Variants in DOCK8 observed in about 807,000 individuals in gnomAD.
The protein encoded by DOCK8 is dedicator of cytokinesis protein 8.
In DOCK8, 141 loss-of-function variants were observed where a neutral mutation model predicts 245.6. The observed-to-expected ratio is 0.57, with a 90% confidence interval of 0.50 to 0.66. The LOEUF (loss-of-function observed/expected upper bound fraction) is 0.66. Among genes scored for constraint, DOCK8 ranks in the 30% least tolerant of loss-of-function variants. DOCK8 has a pLI of 0.00. For synonymous variants in DOCK8, 1,168 were observed against 970.2 expected (o/e 1.20, Z -3.79); for missense variants, 2,965 against 2,603.4 (o/e 1.14, Z -3.02).
intron 2 of DOCK8, among the ~76,000 whole-genome samples, chr9:275,362 G>C (rs4418448): frequency 1.3e-5 from 2 of 152,128 alleles, no homozygotes; most frequent in Admixed American, 1.3e-4. Flanking sequence ...GTTTAGAAGA[G>C]AAAAGGATAC....
chr9:457,570 T>C (rs2057678581), intron 46 of DOCK8, among the ~76,000 whole-genome samples: 1 of 152,224 alleles, frequency 6.6e-6, no homozygotes, highest in African/African-American at 2.4e-5. Flanking sequence ...GACACAGTGA[T>C]GCTGATGAGA....
At chr9:368,332 T>C in intron 15 of DOCK8, 197 bp downstream of exon 15, 1 of 729,596 alleles carries the variant, frequency 1.4e-6, no homozygotes, top group South Asian at 1.4e-5. Context: ...CTTTCTCGGC[T>C]TATTCTGTAG....
chr9:432,575 C>T (rs2056757549), intron 37 of DOCK8, among the ~76,000 whole-genome samples: 1 of 152,052 alleles, frequency 6.6e-6, no homozygotes, highest in African/African-American at 2.4e-5. Flanking sequence ...GGAGGCAGTA[C>T]AAGACAAGTG....
At chr9:459,429 T>G (rs1283814840) in intron 46 of DOCK8, among the ~76,000 whole-genome samples, 1 of 152,224 alleles carries the variant, frequency 6.6e-6, no homozygotes, top group Non-Finnish European at 1.5e-5. Context: ...ATGTTTTTCT[T>G]TATAAAACAT....
intron 4 of DOCK8, among the ~76,000 whole-genome samples, chr9:303,603 G>C (rs999605361): frequency 6.6e-6 from 1 of 152,168 alleles, no homozygotes; most frequent in Non-Finnish European, 1.5e-5. Context: ...GTAAACATGG[G>C]CATAAAGATA....
chr9:310,799 T>A (rs551136068), intron 5 of DOCK8, among the ~76,000 whole-genome samples: 2 of 152,332 alleles, frequency 1.3e-5, no homozygotes, highest in South Asian at 2.1e-4. Flanking sequence ...GCACTTTAAA[T>A]TATTATCAGA....
At chr9:317,882 G>A (rs184233991) in intron 7 of DOCK8, among the ~76,000 whole-genome samples, 83 of 151,622 alleles carry the variant, frequency 5.5e-4, no homozygotes, top group African/African-American at 1.9e-3. Context: ...ATTAAAACAC[G>A]ACTACAGTCT....
chr9:226,613 G>C (rs1038425462), intron 1 of DOCK8, among the ~76,000 whole-genome samples: 1 of 151,970 alleles, frequency 6.6e-6, no homozygotes, highest in Non-Finnish European at 1.5e-5. Context: ...ATGGGGTGGG[G>C]CAATGAAAAA....
chr9:345,798 ATG>A (rs1001213864), intron 14 of DOCK8, among the ~76,000 whole-genome samples: 41 of 152,082 alleles, frequency 2.7e-4, no homozygotes, highest in African/African-American at 7.0e-4. Context: ...AATTGCGGTA[ATG>A]TGTGTGTGCT....
intron 2 of DOCK8, among the ~76,000 whole-genome samples, chr9:281,867 T>C (rs1012812321): frequency 6.6e-6 from 1 of 152,190 alleles, no homozygotes; most frequent in Non-Finnish European, 1.5e-5. Context: ...ACCAGTTTCC[T>C]CCCACTTTAG....
intron 34 of DOCK8, 152 bp downstream of exon 34, chr9:427,133 G>A: frequency 1.4e-6 from 1 of 694,292 alleles, no homozygotes; most frequent in Non-Finnish European, 2.5e-6. Context: ...ATTTACAACA[G>A]TGTCTACCTT....
At chr9:325,776 T>C (rs915099597) in intron 8 of DOCK8, 39 bp downstream of exon 8, 14 of 1,533,258 alleles carry the variant, frequency 9.1e-6, no homozygotes, top group South Asian at 9.0e-5. Context: ...AAGGCACATA[T>C]ATTGTTCATG....
chr9:231,259 G>C (rs202228193), intron 1 of DOCK8, among the ~76,000 whole-genome samples: 2 of 151,966 alleles, frequency 1.3e-5, no homozygotes, highest in African/African-American at 4.8e-5. Context: ...CCATTGGTCT[G>C]TATCTCTGTT....
chr9:362,273 C>T (rs1445746417), intron 14 of DOCK8, among the ~76,000 whole-genome samples: 1 of 152,186 alleles, frequency 6.6e-6, no homozygotes, highest in Non-Finnish European at 1.5e-5. Context: ...TGCACCTCCA[C>T]TCTTCTTAAC....
intron 13 of DOCK8, 111 bp downstream of exon 13, chr9:339,210 T>A: frequency 1.1e-6 from 1 of 932,374 alleles, no homozygotes; most frequent in Non-Finnish European, 1.7e-6. Flanking sequence ...AAGTGAAATG[T>A]GAGATTTTGT....
chr9:451,007 TTTGA>T (rs2057413033), intron 45 of DOCK8, among the ~76,000 whole-genome samples: 2 of 151,958 alleles, frequency 1.3e-5, no homozygotes, highest in African/African-American at 4.8e-5. Context: ...ATTAGTAGTA[TTTGA>T]TTGATAAAAT....
chr9:330,593 T>G (rs1489093727), intron 9 of DOCK8, among the ~76,000 whole-genome samples: 1 of 152,112 alleles, frequency 6.6e-6, no homozygotes, highest in Non-Finnish European at 1.5e-5. Context: ...AAATAATGTA[T>G]GTAAAAACAC....
chr9:420,081 A>G lies in DOCK8; in HGVS notation c.3841-320A>G, dbSNP rs1006642606. The stretch of plus-strand genomic sequence containing the variant: ...CTCTTTGTATCACTGGGATTGCAGC[A>G]CGCATGATCAAGGCCCAGGGGTGAT... On this transcript the variant is annotated intron_variant, in intron 30 of 47. Coordinates refer to ENST00000432829, the MANE Select transcript of DOCK8 (RefSeq NM_203447.4). The G allele has an allele frequency of 6.1e-5, 25 of 410,678 alleles. No individual in the cohort carries two copies. The East Asian group carries it at 1.2e-3, about 20-fold the overall frequency. The allele number at this position is 410,678 out of a possible 1,614,324, so 25.4% of individuals were successfully genotyped here. A position where few individuals can be genotyped will look rare whatever the true frequency, so the allele number is the denominator to read the frequency against.
At position 265,646 on chromosome 9, in the gene DOCK8, T is replaced by C. The variant is rs563216719; in HGVS notation, c.54-5981T>C. ...TTCCTTAAATCAGTTTTAAAATCCA[T>C]CCAGCCATTTTGGCTGCCGGCCATA... On this transcript the variant is annotated intron_variant, in intron 1 of 47. Transcript: ENST00000432829. 1.6e-3 allele frequency among the ~76,000 whole-genome samples: 249 copies of C among 152,266 alleles called. 2 individuals are homozygous for C. Among genetic ancestry groups the C allele is most frequent in the Admixed American group, 0.015 (224 of 15,292 alleles).
Sources: gnomAD v4.1 joint callset for allele counts (sites outside exome capture counted in the v4.1 genomes callset) on GRCh38, gnomAD v4.1.1 for gene constraint, MANE v1.5 for transcripts, NCBI Gene and HGNC (gene_info 2026-07-23, HGNC 2026-07-21) for gene names.